Variants in SMC3 observed in about 807,000 individuals in gnomAD.
The protein encoded by SMC3 is structural maintenance of chromosomes protein 3.
SMC3 carries 20 observed loss-of-function variants against 171.8 expected under a neutral mutation model. That is an observed-to-expected ratio of 0.12 (90% CI 0.08 to 0.17). SMC3 has a LOEUF of 0.17. Ranked by LOEUF, SMC3 falls within the 10% of genes least tolerant of loss-of-function variation. The probability of loss-of-function intolerance (pLI) is 1.00; values close to 1 mark genes in which losing one functional copy is unlikely to be tolerated. For synonymous variants in SMC3, 464 were observed against 451.1 expected (o/e 1.03, Z -0.36); for missense variants, 543 against 1,420.4 (o/e 0.38, Z 9.93).
At chr10:110,589,745 T>C (rs1861178333) in intron 14 of SMC3, 37 bp downstream of exon 14, 1 of 1,438,630 alleles carries the variant, frequency 7.0e-7, no homozygotes. Flanking sequence ...ATGTTTTCAG[T>C]AATGTTCGTT....
chr10:110,588,953 C>G (rs923011690), intron 13 of SMC3, among the ~76,000 whole-genome samples: 1 of 151,638 alleles, frequency 6.6e-6, no homozygotes, highest in Non-Finnish European at 1.5e-5. Flanking sequence ...AATTTTTTTT[C>G]TAAAATTCTG....
rs1003120414 is a variant in SMC3, at chr10:110,590,537, T to A, written c.1635T>A (p.Ala545=). ...TGAATAACTTTGAATGTGAACCAGCTTTCTACACATGCGTGGAAGTCACTG... is the reference window on the plus strand; with the variant it reads ...TGAATAACTTTGAATGTGAACCAGCATTCTACACATGCGTGGAAGTCACTG... ...IVMNNFECEP[A]FYTCVEVTAG... The change falls in exon 16 of 29, where the codon GCT becomes GCA. Residue 545 remains alanine, a synonymous_variant. Coordinates refer to ENST00000361804, the MANE Select transcript of SMC3 (RefSeq NM_005445.4). 1 of 1,614,144 alleles carries A rather than the reference T, an allele frequency of 6.2e-7. No homozygotes were observed. The highest frequency in any genetic ancestry group is 8.5e-7 in the Non-Finnish European group (1 of 1,179,976).
chr10:110,568,591 C>G (rs1297174010), intron 1 of SMC3: 1 of 275,688 alleles, frequency 3.6e-6, no homozygotes, highest in Non-Finnish European at 6.9e-6. Flanking sequence ...GTCAGGAGAG[C>G]TGGGGCCCGT....
intron 4 of SMC3, 45 bp from the exon 5 acceptor site, chr10:110,577,376 A>T (rs759032334): frequency 7.3e-7 from 1 of 1,374,534 alleles, no homozygotes; most frequent in Admixed American, 1.7e-5. Context: ...AAAGGATATG[A>T]ATATACAACT....
intron 2 of SMC3, among the ~76,000 whole-genome samples, chr10:110,570,739 C>CATA (rs1860859025): frequency 6.6e-6 from 1 of 152,116 alleles, no homozygotes; most frequent in Non-Finnish European, 1.5e-5. Flanking sequence ...TAGCTGTTAT[C>CATA]AGTTAGTTGT....
At chr10:110,600,233 G>A (rs912614906) in intron 21 of SMC3, among the ~76,000 whole-genome samples, 8 of 152,100 alleles carry the variant, frequency 5.3e-5, no homozygotes, top group East Asian at 1.9e-4. Flanking sequence ...GACAGCATGC[G>A]TTATAAAAAG....
intron 3 of SMC3, among the ~76,000 whole-genome samples, chr10:110,574,208 C>G (rs1047742773): frequency 6.6e-6 from 1 of 152,056 alleles, no homozygotes; most frequent in Non-Finnish European, 1.5e-5. Context: ...GTTTTCTAAA[C>G]CAATCATCTT....
chr10:110,601,616 T>C, intron 23 of SMC3, 21 bp from the exon 24 acceptor site: 1 of 1,608,104 alleles, frequency 6.2e-7, no homozygotes, highest in Non-Finnish European at 8.5e-7. Context: ...TATAGCCTAA[T>C]TTTGTTTCCC....
At position 110,593,133 on chromosome 10, in the gene SMC3, C is replaced by T. The variant is rs758004082; in HGVS notation, c.1873C>T (p.His625Tyr). 4.2e-5 allele frequency: 68 copies of T among 1,613,596 alleles called. 1 individual carries two copies. Among genetic ancestry groups the T allele is most frequent in the Non-Finnish European group, 1.7e-6 (2 of 1,179,610 alleles). ...TCCCAGATTTGACAAAGCTTTCAAA[C>T]ATGTGTTTGGAAAGACTCTTATTTG... ...YNPRFDKAFKHVFGKTLICRS... is the reference protein window; with the variant it reads ...YNPRFDKAFKYVFGKTLICRS... The change falls in exon 18 of 29, where the codon CAT (histidine) becomes TAT (tyrosine). Residue 625 changes from histidine (H) to tyrosine (Y), a missense_variant. His to Tyr is a moderately conservative substitution (Grantham distance 83). Around this residue, in one of 8 missense-constraint regions of SMC3, gnomAD observed 218 missense variants for 509.6 expected, o/e 0.43. Coordinates refer to ENST00000361804, the MANE Select transcript of SMC3 (RefSeq NM_005445.4).
At chr10:110,592,962 A>G in intron 17 of SMC3, 111 bp from the exon 18 acceptor site, 3 of 926,144 alleles carry the variant, frequency 3.2e-6, no homozygotes, top group South Asian at 2.8e-5. Flanking sequence ...ATCGTTTTGA[A>G]ATATAATGGT....
chr10:110,585,283 A>G (rs1292056767), intron 13 of SMC3, among the ~76,000 whole-genome samples: 1 of 140,636 alleles, frequency 7.1e-6, no homozygotes, highest in Non-Finnish European at 1.5e-5. Flanking sequence ...CCCAGCTGAT[A>G]GTAACAATTT....
At position 110,583,375 on chromosome 10, in the gene SMC3, TTTGAA is replaced by T; in HGVS notation, c.805-7_805-3del. ...ATTGCCTTATTTTCTGTTTAATACT[TTTGAA>T]TAGGATATCGAACGCCAAGTTAGAG... On this transcript the variant is annotated splice_region_variant and splice_polypyrimidine_tract_variant and intron_variant, in intron 10 of 28. Coordinates refer to ENST00000361804, the MANE Select transcript of SMC3 (RefSeq NM_005445.4). The T allele has an allele frequency of 6.2e-7, 1 of 1,610,444 alleles. No homozygotes were observed. The highest frequency in any genetic ancestry group is 8.5e-7 in the Non-Finnish European group (1 of 1,177,614).
At chr10:110,599,533 C>T (rs949729710) in intron 20 of SMC3, 121 bp from the exon 21 acceptor site, 2 of 806,994 alleles carry the variant, frequency 2.5e-6, no homozygotes, top group Non-Finnish European at 3.9e-6. Flanking sequence ...TTAATAGGCA[C>T]CTAATATTTG....
chr10:110,602,243 T>C, intron 25 of SMC3, 65 bp downstream of exon 25: 1 of 1,456,580 alleles, frequency 6.9e-7, no homozygotes, highest in South Asian at 1.2e-5. Flanking sequence ...CTTTTCAGTT[T>C]GTAAAGATTT....
Position 110,587,578 on chromosome 10 carries a change from C to G in SMC3, c.1306-2027C>G, listed in dbSNP as rs920179503. On this transcript the variant is annotated intron_variant, in intron 13 of 28. Transcript: ENST00000361804. The stretch of plus-strand genomic sequence containing the variant: ...GCGGGCGCCTGTAGTGCCAGCTACT[C>G]GGGGGGCTGAGGCAGGAGAATGGCG... Among the ~76,000 whole-genome samples, 8 of 151,184 alleles carry G rather than the reference C, an allele frequency of 5.3e-5. No homozygotes were observed. The South Asian group carries it at 1.5e-3, about 28-fold the overall frequency.
intron 2 of SMC3, among the ~76,000 whole-genome samples, chr10:110,571,866 CCTT>C (rs1860878730): frequency 6.6e-6 from 1 of 152,002 alleles, no homozygotes; most frequent in Admixed American, 6.5e-5. Context: ...CTGTTATTCT[CCTT>C]CAGGATAAAT....
chr10:110,596,936 G>A (rs1217895537), intron 19 of SMC3, among the ~76,000 whole-genome samples: 2 of 152,016 alleles, frequency 1.3e-5, no homozygotes, highest in Admixed American at 1.3e-4. Context: ...GAGAGTGGGG[G>A]CGGCATCAGT....
At chr10:110,569,570 C>T (rs921486248) in intron 2 of SMC3, among the ~76,000 whole-genome samples, 1 of 152,006 alleles carries the variant, frequency 6.6e-6, no homozygotes, top group African/African-American at 2.4e-5. Context: ...CAACATGGCA[C>T]ATGTATACCT....
intron 9 of SMC3, 83 bp from the exon 10 acceptor site, chr10:110,582,478 TA>T (rs2134725414): frequency 1.0e-6 from 1 of 995,340 alleles, no homozygotes; most frequent in South Asian, 1.5e-5. Flanking sequence ...TGGTTTATTT[TA>T]ATAGAAAAAT....
Sources: allele counts gnomAD v4.1 joint callset (sites outside exome capture counted in the v4.1 genomes callset), GRCh38; gene constraint gnomAD v4.1.1; regional missense constraint gnomAD v4.1.1; transcripts MANE v1.5; gene names NCBI Gene and HGNC (gene_info 2026-07-23, HGNC 2026-07-21).